Variants in MTR observed in about 807,000 individuals in gnomAD.
The protein encoded by MTR is methionine synthase.
A neutral mutation model predicts 154.8 loss-of-function variants in MTR; 84 were observed. That is an observed-to-expected ratio of 0.54 (90% CI 0.45 to 0.65). The LOEUF is 0.65. MTR is among the 30% of genes least tolerant of loss of function. MTR has a pLI of 0.00. For synonymous variants in MTR, 554 were observed against 553.9 expected (o/e 1.00, Z 0.00); for missense variants, 1,275 against 1,570.2 (o/e 0.81, Z 3.18).
intron 24 of MTR, among the ~76,000 whole-genome samples, chr1:236,878,588 C>T (rs1227061354): frequency 6.6e-6 from 1 of 151,908 alleles, no homozygotes; most frequent in Non-Finnish European, 1.5e-5. Flanking sequence ...ATAAAATACA[C>T]TAACACTAAC....
intron 5 of MTR, chr1:236,811,502 G>A: frequency 1.9e-5 from 8 of 430,454 alleles, no homozygotes; most frequent in South Asian, 1.2e-4. Context: ...GTCTGGTAGT[G>A]CAGTGGGTGG....
At chr1:236,891,557 G>A (rs941736121) in intron 29 of MTR, among the ~76,000 whole-genome samples, 2 of 152,124 alleles carry the variant, frequency 1.3e-5, no homozygotes, top group East Asian at 1.9e-4. Context: ...GGAGTGAGGC[G>A]TTTAATATTG....
In MTR at chr1:236,902,568, GC is replaced by G. The variant is rs1666963374; in HGVS notation, c.*4926del. The G allele has an allele frequency of 6.6e-6, 1 of 152,190 alleles. No homozygotes were observed. Among genetic ancestry groups the G allele is most frequent in the African/African-American group, 2.4e-5 (1 of 41,452 alleles). The allele number at this position is 152,190 out of a possible 1,614,324, so 9.4% of individuals were successfully genotyped here. A position where few individuals can be genotyped will look rare whatever the true frequency, so the allele number is the denominator to read the frequency against. On this transcript the variant is annotated 3_prime_UTR_variant, in exon 33 of 33. Coordinates refer to ENST00000366577, the MANE Select transcript of MTR (RefSeq NM_000254.3). ...AGTTGGATGGAGAGCAGACTGTAAA[GC>G]CTCATGAGGGCAGGGGCCCTGCCTC...
At chr1:236,806,351 G>GT in intron 3 of MTR, 118 bp downstream of exon 3, 1 of 821,624 alleles carries the variant, frequency 1.2e-6, no homozygotes, top group South Asian at 1.4e-5. Context: ...GTTATCTGTT[G>GT]TTTATGATGA....
chr1:236,816,079 T>G (rs758843009), intron 7 of MTR, among the ~76,000 whole-genome samples: 1 of 152,216 alleles, frequency 6.6e-6, no homozygotes, highest in Admixed American at 6.5e-5. Flanking sequence ...GAGAAGCGAA[T>G]TGAATCAAAA....
chr1:236,875,213 T>C (rs980106397), intron 24 of MTR, among the ~76,000 whole-genome samples: 5 of 152,234 alleles, frequency 3.3e-5, no homozygotes, highest in Non-Finnish European at 5.9e-5. Context: ...ACTTGAACTT[T>C]TGCCCACTCT....
intron 15 of MTR, among the ~76,000 whole-genome samples, chr1:236,846,414 T>G (rs1394762158): frequency 6.6e-6 from 1 of 152,242 alleles, no homozygotes; most frequent in Non-Finnish European, 1.5e-5. Context: ...AGTTTTTGTT[T>G]GCACATGTGT....
intron 16 of MTR, among the ~76,000 whole-genome samples, chr1:236,851,779 C>T (rs1446912345): frequency 2.6e-5 from 4 of 152,186 alleles, no homozygotes. Context: ...TTTTTTCTTA[C>T]TCCATACTAA....
chr1:236,897,310 G>GCGCGCGCGCGCGCA, intron 32 of MTR, among the ~76,000 whole-genome samples, 192 bp downstream of exon 32: 11 of 128,680 alleles, frequency 8.5e-5, no homozygotes, highest in South Asian at 2.7e-4. Flanking sequence ...CCACACACAC[G>GCGCGCGCGCGCGCA]CACACACACA....
At chr1:236,844,459 T>C (rs1193442139) in intron 15 of MTR, among the ~76,000 whole-genome samples, 18 of 2,824 alleles carry the variant, frequency 6.4e-3, no homozygotes, top group African/African-American at 0.026. Flanking sequence ...AGGGCGTGTG[T>C]GTGTGTGTGT....
chr1:236,887,930 A>G (rs751917556), intron 27 of MTR, among the ~76,000 whole-genome samples: 2 of 152,240 alleles, frequency 1.3e-5, no homozygotes, highest in East Asian at 1.9e-4. Flanking sequence ...TCAAGGGTCT[A>G]TCTGTAGATT....
At chr1:236,820,142 C>T (rs989360438) in intron 8 of MTR, 11 of 765,180 alleles carry the variant, frequency 1.4e-5, no homozygotes, top group East Asian at 2.4e-5. Flanking sequence ...GGAGCTCACT[C>T]GGTGGGTTTG....
chr1:236,810,784 T>C (rs1324879134), intron 5 of MTR, among the ~76,000 whole-genome samples, 189 bp downstream of exon 5: 1 of 152,216 alleles, frequency 6.6e-6, no homozygotes, highest in Non-Finnish European at 1.5e-5. Context: ...GCTATGATGA[T>C]TATTATTATT....
In MTR at chr1:236,889,330, A is replaced by T. The variant is rs1225680823; in HGVS notation, c.3001A>T (p.Thr1001Ser). Residue 1001 changes from threonine to serine, a missense_variant, in exon 28 of 33, where the codon ACA becomes TCA. Physicochemically the swap from Thr to Ser is moderately conservative, Grantham distance 58. Transcript: ENST00000366577. ...CTTTCCCAAGATATTTAACGACAAA[A>T]CAGTAGGTTAGTGCAGTAAGTCCTT... is the stretch of plus-strand genomic sequence containing the variant. ...RGFPKIFNDK[T>S]VGGEARKVYD... 1 of 1,614,200 alleles carries T rather than the reference A, an allele frequency of 6.2e-7. No homozygotes were observed. Among genetic ancestry groups the T allele is most frequent in the East Asian group, 2.2e-5 (1 of 44,880 alleles).
rs1344447340 is a variant in MTR at position 236,898,313 on chromosome 1, A to G, written c.*669A>G. 6.6e-6 allele frequency: 1 copy of G among 152,026 alleles called. No individual in the cohort carries two copies. The highest frequency in any genetic ancestry group is 2.4e-5 in the African/African-American group (1 of 41,332). 9.4% of individuals were successfully genotyped at this position (152,026 alleles called of 1,614,324 possible). A position where few individuals can be genotyped will look rare whatever the true frequency, so the allele number is the denominator to read the frequency against. On this transcript the variant is annotated 3_prime_UTR_variant, in exon 33 of 33. Coordinates refer to ENST00000366577, the MANE Select transcript of MTR (RefSeq NM_000254.3). ...CATTTTCGTCCTCCCATAATTTCAT[A>G]TTTCCGTACCCCTGAGGAAACAAAA... is the stretch of plus-strand genomic sequence containing the variant.
chr1:236,811,029 C>T (rs1021133463), intron 5 of MTR, among the ~76,000 whole-genome samples: 2 of 152,156 alleles, frequency 1.3e-5, no homozygotes, highest in African/African-American at 4.8e-5. Flanking sequence ...CAAGACTGGA[C>T]AATTTACAGA....
chr1:236,848,546 A>C (rs1663719342), intron 15 of MTR, among the ~76,000 whole-genome samples: 1 of 152,144 alleles, frequency 6.6e-6, no homozygotes, highest in Non-Finnish European at 1.5e-5. Context: ...TTTCTGACAT[A>C]CATCTCAGTC....
At position 236,879,282 on chromosome 1, in the gene MTR, T is replaced by C. The variant is rs1295540946; in HGVS notation, c.2595-1473T>C. Among the ~76,000 whole-genome samples, 5 of 152,386 alleles carry C rather than the reference T, an allele frequency of 3.3e-5. No individual in the cohort carries two copies. In the East Asian group the frequency reaches 9.6e-4, roughly 29 times the overall value. Reference sequence around the variant, plus strand: ...TCGATGTGTATCTTCCTGTGTTTTTTCTAAATATATAGAAACTTAGATACA... The same window carrying C: ...TCGATGTGTATCTTCCTGTGTTTTTCCTAAATATATAGAAACTTAGATACA... On this transcript the variant is annotated intron_variant, in intron 24 of 32. Transcript: ENST00000366577.
chr1:236,829,083 A>T, intron 11 of MTR, 106 bp from the exon 12 acceptor site: 2 of 857,472 alleles, frequency 2.3e-6, no homozygotes, highest in Non-Finnish European at 3.8e-6. Flanking sequence ...ATGTATAGTT[A>T]TGTTAAATAG....
Sources: gnomAD v4.1 joint callset for allele counts (sites outside exome capture counted in the v4.1 genomes callset) on GRCh38, gnomAD v4.1.1 for gene constraint, MANE v1.5 for transcripts, NCBI Gene and HGNC (gene_info 2026-07-23, HGNC 2026-07-21) for gene names.